The following OTOG variants were observed in gnomAD, a reference collection of about 807,000 sequenced individuals.
OTOG encodes otogelin.
A neutral mutation model predicts 313.8 loss-of-function variants in OTOG; 296 were observed. The ratio of observed to expected loss-of-function variants is 0.94; its 90% CI spans 0.86 to 1.04. The LOEUF is 1.04. OTOG is among the 50% of genes least tolerant of loss of function. The pLI, the probability that OTOG is intolerant of heterozygous loss-of-function variation, is 0.00. For missense variants in OTOG, 3,948 were observed against 3,840.1 expected, an observed-to-expected ratio of 1.03 and a Z score of -0.74; for synonymous variants, 1,533 against 1,554.9, an observed-to-expected ratio of 0.99 and a Z score of 0.33.
intron 40 of OTOG, among the ~76,000 whole-genome samples, chr11:17,629,541 C>T (rs558605839): frequency 1.3e-5 from 2 of 152,136 alleles, no homozygotes; most frequent in Admixed American, 6.5e-5. Context: ...TCACTTCAGC[C>T]GGGATTGTCT....
At chr11:17,560,893 G>A (rs1176108452) in intron 13 of OTOG, 76 bp downstream of exon 13, 3 of 1,325,770 alleles carry the variant, frequency 2.3e-6, no homozygotes, top group African/African-American at 2.9e-5. Context: ...CCATCTGGGA[G>A]CACTAATGGC....
In OTOG at chr11:17,574,819, G is replaced by A. The variant is rs1852485977; in HGVS notation, c.2393G>A (p.Gly798Asp). ...LASPEACGVD[G>D]GDDLSRDECV... ...AGCCCTGAGGCCTGTGGGGTTGATG[G>A]TGGCGATGACCTGAGCAGAGACGAG... Residue 798 changes from glycine (G) to aspartate (D), a missense_variant, in exon 20 of 56, where the codon GGT becomes GAT. By Grantham distance (94) the Gly-to-Asp change is moderately conservative. Coordinates refer to ENST00000399397, the MANE Select transcript of OTOG (RefSeq NM_001292063.2). The A allele has an allele frequency of 6.5e-7, 1 of 1,550,370 alleles. No homozygotes were observed. Among genetic ancestry groups the A allele is most frequent in the African/African-American group, 1.4e-5 (1 of 73,044 alleles).
Position 17,634,925 on chromosome 11 carries a change from C to T in OTOG, c.7562C>T (p.Ser2521Phe). ...HRLLTHFQED[S>F]CCPSYSCECD... Reference sequence around the variant, plus strand: ...CTCCTCACCCACTTCCAGGAGGACTCCTGCTGCCCCAGCTACAGCTGTGGT... The same window carrying T: ...CTCCTCACCCACTTCCAGGAGGACTTCTGCTGCCCCAGCTACAGCTGTGGT... Residue 2521 changes from serine to phenylalanine, a missense_variant, in exon 45 of 56, where the codon TCC (serine) becomes TTC (phenylalanine). By Grantham distance (155) the Ser-to-Phe change is radical. Coordinates refer to ENST00000399397, the MANE Select transcript of OTOG (RefSeq NM_001292063.2). The T allele has an allele frequency of 6.5e-7, 1 of 1,547,440 alleles. No individual in the cohort carries two copies.
At chr11:17,643,298 G>A (rs771870908) in intron 53 of OTOG, among the ~76,000 whole-genome samples, 163 bp from the exon 54 acceptor site, 3 of 152,250 alleles carry the variant, frequency 2.0e-5, no homozygotes, top group African/African-American at 7.2e-5. Context: ...CTTAGCCCCC[G>A]TGGCTCTCCT....
chr11:17,569,323 A>T (rs1178726772), intron 16 of OTOG, 35 bp downstream of exon 16: 1 of 1,549,400 alleles, frequency 6.5e-7, no homozygotes, highest in African/African-American at 1.4e-5. Flanking sequence ...CCTAGTTGGG[A>T]ACTGAGGGTT....
chr11:17,636,190 G>A (rs1263493513), intron 47 of OTOG, among the ~76,000 whole-genome samples: 1 of 151,960 alleles, frequency 6.6e-6, no homozygotes, highest in Non-Finnish European at 1.5e-5. Context: ...ATTTTTATAG[G>A]GCCTGGTACC....
Position 17,609,645 on chromosome 11 carries a change from G to T in OTOG, c.4355-10G>T. The T allele has an allele frequency of 2.7e-6, 4 of 1,470,556 alleles. No individual in the cohort carries two copies. Among genetic ancestry groups the T allele is most frequent in the African/African-American group, 1.4e-5 (1 of 70,400 alleles). The allele number at this position is 1,470,556 out of a possible 1,614,324, so 91.1% of individuals were successfully genotyped here. The stretch of plus-strand genomic sequence containing the variant: ...CCCCGCCTTCTGAACCTCTTCTTTT[G>T]TCTCCGCAGGTGTGGAGCCAGCAGT... On this transcript the variant is annotated splice_polypyrimidine_tract_variant and intron_variant, in intron 35 of 55. Transcript: ENST00000399397.
intron 23 of OTOG, among the ~76,000 whole-genome samples, chr11:17,583,655 C>G (rs1298163370): frequency 6.6e-6 from 1 of 152,162 alleles, no homozygotes; most frequent in African/African-American, 2.4e-5. Flanking sequence ...TTTCAGGACT[C>G]TTTTCTGTTC....
intron 24 of OTOG, among the ~76,000 whole-genome samples, chr11:17,587,406 C>G (rs1296237891): frequency 6.6e-6 from 1 of 152,144 alleles, no homozygotes; most frequent in African/African-American, 2.4e-5. Flanking sequence ...GAGAGCAAAC[C>G]CAGTCACTGT....
In OTOG at chr11:17,578,443, G is replaced by A; in HGVS notation, c.2676G>A (p.Arg892=). The A allele has an allele frequency of 6.5e-7, 1 of 1,541,644 alleles. No homozygotes were observed. The change falls in exon 23 of 56, where the codon AGG becomes AGA. Residue 892 remains arginine, a synonymous_variant. Transcript: ENST00000399397. Reference sequence around the variant, plus strand: ...TGCACACGGACCTGGAGCTGAGCAGGGAGAGGACGTGTGAGCAGCAACTGC... The same window carrying A: ...TGCACACGGACCTGGAGCTGAGCAGAGAGAGGACGTGTGAGCAGCAACTGC... ...SDLHTDLELS[R]ERTCEQQLLN...
At chr11:17,556,425 T>G (rs899711282) in intron 7 of OTOG, among the ~76,000 whole-genome samples, 1 of 152,208 alleles carries the variant, frequency 6.6e-6, no homozygotes, top group Non-Finnish European at 1.5e-5. Context: ...TCTTCCTCAC[T>G]GTTCTTTCCT....
chr11:17,573,473 C>T (rs1436502695), intron 19 of OTOG, among the ~76,000 whole-genome samples, 183 bp downstream of exon 19: 1 of 152,238 alleles, frequency 6.6e-6, no homozygotes, highest in African/African-American at 2.4e-5. Flanking sequence ...CTCCATCACT[C>T]AGGCATAACA....
chr11:17,638,575 C>T (rs1434204045), intron 48 of OTOG, 26 bp downstream of exon 48: 2 of 1,543,716 alleles, frequency 1.3e-6, no homozygotes, highest in Admixed American at 2.0e-5. Context: ...GGACAGCCTC[C>T]CCGCTGGGAG....
intron 6 of OTOG, among the ~76,000 whole-genome samples, chr11:17,553,785 G>C (rs1851997525): frequency 6.6e-6 from 1 of 152,202 alleles, no homozygotes; most frequent in Non-Finnish European, 1.5e-5. Flanking sequence ...CTGGCATAAG[G>C]TCTGGTGGCG....
chr11:17,585,882 G>A lies in OTOG; in HGVS notation c.2760-592G>A, dbSNP rs564452223. Among the ~76,000 whole-genome samples, 3 of 152,346 alleles carry A rather than the reference G, an allele frequency of 2.0e-5. No individual in the cohort carries two copies. In the South Asian group the frequency reaches 6.2e-4, roughly 32 times the overall value. ...AAGGTTAAGTAACTTGTTTCAGGTA[G>A]ATCCTGGATTTGAACAAAAAATTAT... On this transcript the variant is annotated intron_variant, in intron 23 of 55. Coordinates refer to ENST00000399397, the MANE Select transcript of OTOG (RefSeq NM_001292063.2).
intron 32 of OTOG, among the ~76,000 whole-genome samples, chr11:17,604,319 G>A (rs558130333): frequency 4.6e-5 from 7 of 152,318 alleles, no homozygotes; most frequent in Admixed American, 2.0e-4. Flanking sequence ...GGCCAACCCC[G>A]CCTTCTTGAA....
At chr11:17,562,607 C>G (rs537196780) in intron 15 of OTOG, among the ~76,000 whole-genome samples, 5 of 152,074 alleles carry the variant, frequency 3.3e-5, no homozygotes, top group Non-Finnish European at 7.4e-5. Flanking sequence ...GAAATAAGCT[C>G]AAAACAATGT....
chr11:17,617,944 A>G (rs1188234294), intron 39 of OTOG, among the ~76,000 whole-genome samples: 1 of 149,418 alleles, frequency 6.7e-6, no homozygotes, highest in African/African-American at 2.5e-5. Context: ...ACAGAGTCTC[A>G]CTCTGTCGCC....
In OTOG at chr11:17,638,533, C is replaced by G. The variant is rs528655967; in HGVS notation, c.7878C>G (p.Cys2626Trp). Residue 2626 changes from cysteine (C) to tryptophan (W), a missense_variant, in exon 48 of 56, where the codon TGC becomes TGG. Cys to Trp is a radical substitution (Grantham distance 215, BLOSUM62 -2). Transcript: ENST00000399397. The stretch of plus-strand genomic sequence containing the variant: ...AGGTGTGGAGCCCCGACCGCTGCTG[C>G]CCCTACAAATCCTGTGGTGAGTCCG... ...LVEVWSPDRCCPYKSCECDCD... is the reference protein window; with the variant it reads ...LVEVWSPDRCWPYKSCECDCD... 612 of 1,550,338 alleles carry G rather than the reference C, an allele frequency of 3.9e-4. 1 individual carries two copies. Among genetic ancestry groups the G allele is most frequent in the Non-Finnish European group, 5.1e-4 (582 of 1,146,962 alleles).
Sources: gnomAD v4.1 joint callset for allele counts (sites outside exome capture counted in the v4.1 genomes callset) on GRCh38, gnomAD v4.1.1 for gene constraint, MANE v1.5 for transcripts, NCBI Gene and HGNC (gene_info 2026-07-23, HGNC 2026-07-21) for gene names.